EEFSEC: variants seen among roughly 807,000 people sequenced by gnomAD.
EEFSEC encodes selenocysteine-specific elongation factor.
Under a neutral mutation model 42.1 loss-of-function variants are expected in EEFSEC, and 43 were observed. The observed-to-expected ratio is 1.02, with a 90% CI of 0.80 to 1.32. The LOEUF (loss-of-function observed/expected upper bound fraction) is 1.32. EEFSEC is among the 40% of genes most tolerant of loss of function. The probability of loss-of-function intolerance (pLI) is 0.00; values close to 1 mark genes in which losing one functional copy is unlikely to be tolerated. For synonymous variants in EEFSEC, 354 were observed against 339.1 expected, an observed-to-expected ratio of 1.04 and a Z score of -0.48; for missense variants, 745 against 803.6, an observed-to-expected ratio of 0.93 and a Z score of 0.88.
chr3:128,213,165 T>C (rs1270380947), intron 1 of EEFSEC, among the ~76,000 whole-genome samples: 1 of 152,122 alleles, frequency 6.6e-6, no homozygotes, highest in Admixed American at 6.5e-5. Context: ...GAGACCTGGG[T>C]TGTGGCAGTT....
chr3:128,154,252 T>C (rs1384389617), intron 1 of EEFSEC, among the ~76,000 whole-genome samples: 2 of 152,076 alleles, frequency 1.3e-5, no homozygotes, highest in Non-Finnish European at 2.9e-5. Context: ...TTTTTGTATA[T>C]CATTTCAGAA....
At chr3:128,171,832 T>TAA (rs34603135) in intron 1 of EEFSEC, among the ~76,000 whole-genome samples, 142 of 142,248 alleles carry the variant, frequency 1.0e-3, no homozygotes, top group East Asian at 8.3e-3. Flanking sequence ...TTGAAAATAT[T>TAA]AAAAAAAAAA....
At chr3:128,268,745 G>A (rs1343418662) in intron 4 of EEFSEC, among the ~76,000 whole-genome samples, 1 of 152,088 alleles carries the variant, frequency 6.6e-6, no homozygotes, top group Admixed American at 6.6e-5. Flanking sequence ...ATGGTTGCCG[G>A]AAGCCCCCAG....
chr3:128,386,869 G>A (rs1259437137), intron 6 of EEFSEC, among the ~76,000 whole-genome samples: 1 of 152,174 alleles, frequency 6.6e-6, no homozygotes, highest in Admixed American at 6.5e-5. Context: ...AGGGATCCGT[G>A]CCCATGATCT....
intron 4 of EEFSEC, among the ~76,000 whole-genome samples, chr3:128,332,768 C>T (rs1477703652): frequency 6.6e-6 from 1 of 152,202 alleles, no homozygotes; most frequent in Non-Finnish European, 1.5e-5. Flanking sequence ...CTCCAGGGCC[C>T]ATACTGCTCT....
chr3:128,251,513 A>G (rs2066186671), intron 2 of EEFSEC, among the ~76,000 whole-genome samples: 1 of 152,238 alleles, frequency 6.6e-6, no homozygotes, highest in Admixed American at 6.5e-5. Flanking sequence ...AGAAATGGTA[A>G]CTTAGTAGAA....
chr3:128,385,038 C>T (rs757533164), intron 6 of EEFSEC, among the ~76,000 whole-genome samples: 17 of 152,180 alleles, frequency 1.1e-4, no homozygotes, highest in Admixed American at 1.3e-4. Context: ...TTTACCAAAC[C>T]CCATAGATGT....
intron 1 of EEFSEC, among the ~76,000 whole-genome samples, chr3:128,212,906 T>C (rs2065773633): frequency 6.6e-6 from 1 of 152,218 alleles, no homozygotes; most frequent in African/African-American, 2.4e-5. Flanking sequence ...AGCCAGCTCC[T>C]TCCAGGGCTG....
At chr3:128,324,690 A>G (rs1470361965) in intron 4 of EEFSEC, among the ~76,000 whole-genome samples, 1 of 152,222 alleles carries the variant, frequency 6.6e-6, no homozygotes, top group Non-Finnish European at 1.5e-5. Flanking sequence ...CCTGTGGGGC[A>G]CAGTTGTAGG....
Position 128,263,346 on chromosome 3 carries a change from T to C in EEFSEC, c.621+1122T>C, listed in dbSNP as rs535020624. On this transcript the variant is annotated intron_variant, in intron 3 of 6. Transcript: ENST00000254730. ...GCTGGGGTCAGCTTCACGGCCCCCC[T>C]GCACCTGGCTCCGCAGAGCCAAGAT... 5.2e-4 allele frequency among the ~76,000 whole-genome samples: 80 copies of C among 152,390 alleles called. 1 individual carries two copies. The South Asian group carries it at 0.016, about 31-fold the overall frequency.
rs531699459 is a variant in EEFSEC at position 128,250,228 on chromosome 3, T to C, written c.524+3185T>C. Among the ~76,000 whole-genome samples, 6 of 152,274 alleles carry C rather than the reference T, an allele frequency of 3.9e-5. No homozygotes were observed. The East Asian group carries it at 1.2e-3, about 29-fold the overall frequency. The stretch of plus-strand genomic sequence containing the variant: ...TTGTCTTTTCACTTCGTTGATAGTG[T>C]CCTTTGATACACAAAACTTCCTAAT... On this transcript the variant is annotated intron_variant, in intron 2 of 6. Coordinates refer to ENST00000254730, the MANE Select transcript of EEFSEC (RefSeq NM_021937.5).
chr3:128,292,043 A>G (rs2066649619), intron 4 of EEFSEC, among the ~76,000 whole-genome samples: 1 of 152,084 alleles, frequency 6.6e-6, no homozygotes, highest in Non-Finnish European at 1.5e-5. Flanking sequence ...AAATTATTAT[A>G]TAGTTTTTCT....
At chr3:128,316,505 T>C (rs1274055720) in intron 4 of EEFSEC, among the ~76,000 whole-genome samples, 2 of 152,202 alleles carry the variant, frequency 1.3e-5, no homozygotes, top group African/African-American at 4.8e-5. Flanking sequence ...CCCCTTATGA[T>C]CGACAGGCAC....
chr3:128,355,947 A>G (rs2107585711), intron 5 of EEFSEC, among the ~76,000 whole-genome samples: 1 of 152,368 alleles, frequency 6.6e-6, no homozygotes, highest in Admixed American at 6.5e-5. Context: ...GGAACGCTGT[A>G]GGCACCAGGC....
At chr3:128,363,093 G>A (rs981244816) in intron 6 of EEFSEC, among the ~76,000 whole-genome samples, 3 of 152,248 alleles carry the variant, frequency 2.0e-5, no homozygotes, top group Non-Finnish European at 4.4e-5. Context: ...CCCCCAAAAT[G>A]TGAGCTATGA....
At chr3:128,186,675 G>A (rs2811515) in intron 1 of EEFSEC, among the ~76,000 whole-genome samples, 44,351 of 152,036 alleles carry the variant, frequency 0.29, 6,705 homozygotes, top group South Asian at 0.37. Flanking sequence ...TAAAAAAACT[G>A]TTCCCTCTAT....
chr3:128,324,105 T>C (rs146035836), intron 4 of EEFSEC, among the ~76,000 whole-genome samples: 1 of 152,240 alleles, frequency 6.6e-6, no homozygotes, highest in East Asian at 1.9e-4. Flanking sequence ...TGCATACTCT[T>C]TGGTCTGGGG....
intron 6 of EEFSEC, among the ~76,000 whole-genome samples, chr3:128,404,752 G>T (rs1184971424): frequency 6.6e-6 from 1 of 152,246 alleles, no homozygotes; most frequent in Non-Finnish European, 1.5e-5. Context: ...CTCCAAGTAA[G>T]GTATGCTGCT....
chr3:128,176,126 G>A (rs570240846), intron 1 of EEFSEC, among the ~76,000 whole-genome samples: 1 of 151,918 alleles, frequency 6.6e-6, no homozygotes, highest in South Asian at 2.1e-4. Context: ...TATGACTTAA[G>A]TTTTAATCTT....
Sources: allele counts gnomAD v4.1 joint callset (sites outside exome capture counted in the v4.1 genomes callset), GRCh38; gene constraint gnomAD v4.1.1; transcripts MANE v1.5; gene names NCBI Gene and HGNC (gene_info 2026-07-23, HGNC 2026-07-21).